Variants in TASP1 observed in about 807,000 individuals in gnomAD.
TASP1 encodes threonine aspartase 1.
TASP1 carries 16 observed loss-of-function variants against 56.6 expected under a neutral mutation model. The observed-to-expected ratio is 0.28, with a 90% CI of 0.19 to 0.43. The LOEUF (loss-of-function observed/expected upper bound fraction) is 0.43, where lower values mean the gene tolerates loss of function less well. Among genes scored for constraint, TASP1 ranks in the 20% least tolerant of loss-of-function variants. The pLI is 1.00. For synonymous variants in TASP1, 179 were observed against 184.2 expected (o/e 0.97, Z 0.23); for missense variants, 393 against 511.6 (o/e 0.77, Z 2.24).
At chr20:13,512,213 G>T (rs1172417070) in intron 10 of TASP1, among the ~76,000 whole-genome samples, 1 of 152,094 alleles carries the variant, frequency 6.6e-6, no homozygotes, top group Non-Finnish European at 1.5e-5. Flanking sequence ...CTAGTTTACA[G>T]TCCTACCAAC....
At chr20:13,154,112 G>C in the TASP1 span, 2 of 1,614,116 alleles carry the variant, frequency 1.2e-6, no homozygotes, top group Non-Finnish European at 1.7e-6. Context: ...TTGTTCCTCT[G>C]CTTCTTTATA....
chr20:13,130,166 C>T, the TASP1 span, among the ~76,000 whole-genome samples: 1 of 152,214 alleles, frequency 6.6e-6, no homozygotes, highest in Non-Finnish European at 1.5e-5. Context: ...TCATTTGCAA[C>T]AATGGCTGCT....
chr20:13,458,919 T>C (rs1409640165), intron 11 of TASP1, among the ~76,000 whole-genome samples: 1 of 152,188 alleles, frequency 6.6e-6, no homozygotes, highest in Non-Finnish European at 1.5e-5. Flanking sequence ...GTTTAAAATT[T>C]TGGCAAATGT....
chr20:13,530,622 G>C (rs950067102), intron 9 of TASP1, among the ~76,000 whole-genome samples: 2 of 152,142 alleles, frequency 1.3e-5, no homozygotes, highest in Non-Finnish European at 2.9e-5. Flanking sequence ...AGGTCCCAAG[G>C]ACACCTCTTA....
chr20:13,592,384 C>T lies in TASP1; in HGVS notation c.283-5014G>A, dbSNP rs554881866. Among the ~76,000 whole-genome samples, 56 of 130,336 alleles carry T rather than the reference C, an allele frequency of 4.3e-4. No homozygotes were observed. In the South Asian group the frequency reaches 0.013, roughly 29 times the overall value. 85.5% of individuals were successfully genotyped at this position (130,336 alleles called of 152,430 possible). On this transcript the variant is annotated intron_variant, in intron 4 of 13. Transcript: ENST00000337743. ...TGTACTCCAGCTTGGTCAATGAAAG[C>T]GAAACACTGTCTCAAAAAAAAAAAA...
chr20:13,266,660 T>C, the TASP1 span, among the ~76,000 whole-genome samples: 1 of 152,218 alleles, frequency 6.6e-6, no homozygotes, highest in African/African-American at 2.4e-5. Flanking sequence ...CTTGTGTCAC[T>C]TTAACTGGGG....
intron 11 of TASP1, among the ~76,000 whole-genome samples, chr20:13,482,482 G>C (rs935917024): frequency 6.6e-6 from 1 of 152,016 alleles, no homozygotes; most frequent in African/African-American, 2.4e-5. Context: ...TTGAATCTTT[G>C]GACTGCTTTG....
the TASP1 span, among the ~76,000 whole-genome samples, chr20:13,223,891 T>C: frequency 6.6e-6 from 1 of 152,182 alleles, no homozygotes; most frequent in African/African-American, 2.4e-5. Flanking sequence ...AAAGTAAATT[T>C]GGCAGATTAC....
intron 5 of TASP1, among the ~76,000 whole-genome samples, chr20:13,581,383 T>C (rs112506076): frequency 2.6e-5 from 4 of 152,288 alleles, no homozygotes; most frequent in African/African-American, 9.6e-5. Context: ...CACAAAACCA[T>C]AAATTCCTTT....
chr20:13,332,874 C>T, the TASP1 span, among the ~76,000 whole-genome samples: 1 of 152,186 alleles, frequency 6.6e-6, no homozygotes. Context: ...GCTGTCAGGG[C>T]TGTTGCTTGA....
chr20:13,636,140 CTTTTT>C (rs36048272), intron 1 of TASP1, among the ~76,000 whole-genome samples: 8 of 98,030 alleles, frequency 8.2e-5, no homozygotes, highest in East Asian at 6.3e-4. Context: ...TGTGTTGTTG[CTTTTT>C]TTTTTTTTTT....
At chr20:13,335,872 A>C in the TASP1 span, among the ~76,000 whole-genome samples, 1 of 152,276 alleles carries the variant, frequency 6.6e-6, no homozygotes, top group South Asian at 2.1e-4. Context: ...GGAGGCAGAC[A>C]GAACAGGGAG....
At chr20:13,514,895 A>G (rs2044466240) in intron 10 of TASP1, among the ~76,000 whole-genome samples, 1 of 152,178 alleles carries the variant, frequency 6.6e-6, no homozygotes, top group African/African-American at 2.4e-5. Context: ...CATGACATAC[A>G]TTCAATAACA....
chr20:13,198,008 T>C, the TASP1 span, among the ~76,000 whole-genome samples: 93 of 152,292 alleles, frequency 6.1e-4, 2 homozygotes, highest in Non-Finnish European at 2.9e-5. Flanking sequence ...AAGAATACAT[T>C]TAAAACTTAC....
In TASP1 at chr20:13,565,900, T is replaced by C. The variant is rs544392446; in HGVS notation, c.568+3607A>G. Among the ~76,000 whole-genome samples the C allele has an allele frequency of 3.9e-5, 6 of 152,314 alleles. No homozygotes were observed. The East Asian group carries it at 1.2e-3, about 29-fold the overall frequency. On this transcript the variant is annotated intron_variant, in intron 7 of 13. Coordinates refer to ENST00000337743, the MANE Select transcript of TASP1 (RefSeq NM_017714.3). The stretch of plus-strand genomic sequence containing the variant: ...TCAAACAGATATTTGCATAGCCATG[T>C]TCACAGTAGCATTATGCATGACAAC...
At chr20:13,276,443 G>A in the TASP1 span, among the ~76,000 whole-genome samples, 4 of 152,174 alleles carry the variant, frequency 2.6e-5, no homozygotes, top group East Asian at 1.9e-4. Flanking sequence ...ACTTTTCCTC[G>A]TTTCCTAAGA....
the TASP1 span, among the ~76,000 whole-genome samples, chr20:13,132,321 A>C: frequency 6.6e-6 from 1 of 151,356 alleles, no homozygotes; most frequent in African/African-American, 2.4e-5. Context: ...GGACTACAGG[A>C]ACCCACCGCC....
intron 4 of TASP1, among the ~76,000 whole-genome samples, chr20:13,609,708 A>G (rs866975415): frequency 2.6e-4 from 40 of 151,092 alleles, no homozygotes; most frequent in South Asian, 4.2e-4. Context: ...AAAAAAAAAA[A>G]GTTAAACATA....
chr20:13,629,348 G>A (rs1424663891), intron 2 of TASP1, among the ~76,000 whole-genome samples: 4 of 121,492 alleles, frequency 3.3e-5, no homozygotes, highest in Non-Finnish European at 6.5e-5. Context: ...TGGGCGACAA[G>A]AGTAAAACTC....
Sources: gnomAD v4.1 joint callset for allele counts (sites outside exome capture counted in the v4.1 genomes callset) on GRCh38, gnomAD v4.1.1 for gene constraint, MANE v1.5 for transcripts, NCBI Gene and HGNC (gene_info 2026-07-23, HGNC 2026-07-21) for gene names.